The following VPS26A variants were observed in gnomAD, a reference collection of about 807,000 sequenced individuals.
The protein encoded by VPS26A is VPS26 retromer complex component A.
Under a neutral mutation model 42.4 loss-of-function variants are expected in VPS26A, and 22 were observed. That is an observed-to-expected ratio of 0.52 (90% confidence interval 0.37 to 0.74). The LOEUF (loss-of-function observed/expected upper bound fraction) is 0.74, where lower values mean the gene tolerates loss of function less well. Ranked by LOEUF, VPS26A falls within the 30% of genes least tolerant of loss-of-function variation. The pLI, the probability that VPS26A is intolerant of heterozygous loss-of-function variation, is 0.00. For synonymous variants in VPS26A, 110 were observed against 123.5 expected (o/e 0.89, Z 0.73); for missense variants, 276 against 379.2 (o/e 0.73, Z 2.26).
chr10:69,158,669 T>G (rs1050620874), intron 5 of VPS26A, among the ~76,000 whole-genome samples: 1 of 152,198 alleles, frequency 6.6e-6, no homozygotes, highest in East Asian at 1.9e-4. Context: ...GTTTAATGCC[T>G]TTTTAAATTT....
chr10:69,132,242 A>G (rs1382762460), intron 1 of VPS26A, among the ~76,000 whole-genome samples: 1 of 152,218 alleles, frequency 6.6e-6, no homozygotes, highest in Admixed American at 6.5e-5. Context: ...CCTAGCTGTT[A>G]AGAATTAACT....
At position 69,168,359 on chromosome 10, in the gene VPS26A, C is replaced by T. The variant is rs1181331512; in HGVS notation, c.728-130C>T. ...ATATCAGTACTACTGAGGATGAACC[C>T]TGGTCTTTGTTATTTTGCATCTCAT... On this transcript the variant is annotated intron_variant, in intron 7 of 8. Coordinates refer to ENST00000263559, the MANE Select transcript of VPS26A (RefSeq NM_004896.5). The T allele has an allele frequency of 9.7e-6, 10 of 1,026,276 alleles. No homozygotes were observed. The East Asian group carries it at 1.2e-4, about 12-fold the overall frequency. 63.6% of individuals were successfully genotyped at this position (1,026,276 alleles called of 1,614,324 possible). A position where few individuals can be genotyped will look rare whatever the true frequency, so the allele number is the denominator to read the frequency against.
chr10:69,149,681 A>T (rs1406403739), intron 2 of VPS26A, among the ~76,000 whole-genome samples: 1 of 147,588 alleles, frequency 6.8e-6, no homozygotes, highest in Non-Finnish European at 1.5e-5. Flanking sequence ...TATTGGAACA[A>T]TTGATAGAAT....
At position 69,132,762 on chromosome 10, in the gene VPS26A, T is replaced by C. The variant is rs923916402; in HGVS notation, c.4-136T>C. On this transcript the variant is annotated intron_variant, in intron 1 of 8. Transcript: ENST00000263559. ...CCGGCCTTTGATGTAGCATTTGATA[T>C]ATGTTTTTATCATTTCCTTATGAAC... 7.6e-6 allele frequency: 7 copies of C among 917,184 alleles called. No individual in the cohort carries two copies. The East Asian group carries it at 8.5e-5, about 11-fold the overall frequency. The allele number at this position is 917,184 out of a possible 1,614,324, so 56.8% of individuals were successfully genotyped here. A position where few individuals can be genotyped will look rare whatever the true frequency, so the allele number is the denominator to read the frequency against.
intron 1 of VPS26A, among the ~76,000 whole-genome samples, chr10:69,128,230 ATTT>A (rs34855332): frequency 1.8e-4 from 22 of 122,034 alleles, no homozygotes; most frequent in African/African-American, 2.4e-4. Flanking sequence ...TTGGGATTTG[ATTT>A]TTTTTTTTTT....
chr10:69,140,369 C>T (rs1841015345), intron 2 of VPS26A, among the ~76,000 whole-genome samples: 1 of 151,046 alleles, frequency 6.6e-6, no homozygotes, highest in South Asian at 2.1e-4. Flanking sequence ...ACCCGACCTT[C>T]TCCTGAACTT....
At chr10:69,135,314 T>C (rs939133122) in intron 2 of VPS26A, among the ~76,000 whole-genome samples, 1 of 152,232 alleles carries the variant, frequency 6.6e-6, no homozygotes, top group African/African-American at 2.4e-5. Context: ...TTCAGTCTAG[T>C]TTAAAGTAAT....
intron 2 of VPS26A, among the ~76,000 whole-genome samples, chr10:69,152,273 C>G (rs1265417231): frequency 6.6e-6 from 1 of 152,162 alleles, no homozygotes; most frequent in African/African-American, 2.4e-5. Flanking sequence ...AATAATCATT[C>G]ATTTCAGAAG....
chr10:69,147,300 A>G (rs1233190069), intron 2 of VPS26A, among the ~76,000 whole-genome samples: 1 of 151,902 alleles, frequency 6.6e-6, no homozygotes. Context: ...AGTTCTTTAT[A>G]TATTCTGGTT....
intron 5 of VPS26A, 48 bp downstream of exon 5, chr10:69,158,259 A>G (rs1294067725): frequency 8.2e-6 from 12 of 1,454,804 alleles, no homozygotes; most frequent in Admixed American, 2.3e-5. Context: ...TCAAAAATTA[A>G]CTTTTCAGGT....
At position 69,174,216 on chromosome 10, in the gene VPS26A, C is replaced by T. The variant is rs76753537; in HGVS notation, c.*2947C>T. On this transcript the variant is annotated 3_prime_UTR_variant, in exon 9 of 9. Coordinates refer to ENST00000263559, the MANE Select transcript of VPS26A (RefSeq NM_004896.5). Reference sequence around the variant, plus strand: ...CACTCAAGGCGAAGGTCCACGGCTCCGTTAAGTCAGCGAGACCGCAAACCC... The same window carrying T: ...CACTCAAGGCGAAGGTCCACGGCTCTGTTAAGTCAGCGAGACCGCAAACCC... 0.11 allele frequency among the ~76,000 whole-genome samples: 7,017 copies of T among 61,036 alleles called. 520 individuals carry two copies. Among genetic ancestry groups the T allele is most frequent in the East Asian group, 0.43 (1,567 of 3,682 alleles). The allele number at this position is 61,036 out of a possible 152,430, so 40.0% of individuals were successfully genotyped here. A position where few individuals can be genotyped will look rare whatever the true frequency, so the allele number is the denominator to read the frequency against.
Position 69,158,092 on chromosome 10 carries a change from A to G in VPS26A, c.432A>G (p.Val144=), listed in dbSNP as rs374474654. The part of the protein sequence containing the change: ...VTIVRRLTDL[V]KEYDLIVHQL... ...TAGTGAGAAGACTGACAGATTTGGT[A>G]AAAGAGTATGATCTTATTGTTCACC... is the stretch of plus-strand genomic sequence containing the variant. Residue 144 remains valine, a synonymous_variant, in exon 5 of 9, where the codon GTA becomes GTG. Coordinates refer to ENST00000263559, the MANE Select transcript of VPS26A (RefSeq NM_004896.5). 10 of 1,612,308 alleles carry G rather than the reference A, an allele frequency of 6.2e-6. No homozygotes were observed. Among genetic ancestry groups the G allele is most frequent in the Non-Finnish European group, 8.5e-6 (10 of 1,179,342 alleles).
intron 2 of VPS26A, among the ~76,000 whole-genome samples, chr10:69,138,140 C>A (rs1840961130): frequency 6.6e-6 from 1 of 152,052 alleles, no homozygotes; most frequent in African/African-American, 2.4e-5. Context: ...TATTTTGTTT[C>A]TTTCACTTAG....
intron 5 of VPS26A, among the ~76,000 whole-genome samples, chr10:69,159,503 G>A (rs1252737578): frequency 6.6e-6 from 1 of 151,978 alleles, no homozygotes; most frequent in Admixed American, 6.6e-5. Flanking sequence ...TTTCATTTCT[G>A]TAAAATACTC....
chr10:69,173,091 G>A lies in VPS26A; in HGVS notation c.*1822G>A, dbSNP rs1447161932. ...CTATCCGTTTTGCTCAAGACTTTTTGTAGCATAACCAATTTGAAAAAAATT... is the reference window on the plus strand; with the variant it reads ...CTATCCGTTTTGCTCAAGACTTTTTATAGCATAACCAATTTGAAAAAAATT... On this transcript the variant is annotated 3_prime_UTR_variant, in exon 9 of 9. Coordinates refer to ENST00000263559, the MANE Select transcript of VPS26A (RefSeq NM_004896.5). Among the ~76,000 whole-genome samples the A allele has an allele frequency of 6.6e-6, 1 of 152,094 alleles. No individual in the cohort carries two copies. The highest frequency in any genetic ancestry group is 2.4e-5 in the African/African-American group (1 of 41,414).
chr10:69,167,300 A>G (rs748325210), intron 7 of VPS26A, among the ~76,000 whole-genome samples: 9 of 151,844 alleles, frequency 5.9e-5, no homozygotes, highest in Non-Finnish European at 1.2e-4. Context: ...GCATGGTGGC[A>G]TGCACCTATG....
chr10:69,165,667 A>C (rs1271200063), intron 6 of VPS26A, among the ~76,000 whole-genome samples: 1 of 152,056 alleles, frequency 6.6e-6, no homozygotes, highest in African/African-American at 2.4e-5. Flanking sequence ...AAACTTAGCC[A>C]GGCATGATAG....
chr10:69,173,132 G>C lies in VPS26A; in HGVS notation c.*1863G>C, dbSNP rs543032824. Among the ~76,000 whole-genome samples the C allele has an allele frequency of 2.9e-4, 44 of 152,236 alleles. No homozygotes were observed. Among genetic ancestry groups the C allele is most frequent in the Non-Finnish European group, 5.9e-4 (40 of 68,018 alleles). ...GAAAAAAATTCAAATTTAATATTTG[G>C]TGATTTCAGTCAAAAGTCAGCCAGC... On this transcript the variant is annotated 3_prime_UTR_variant, in exon 9 of 9. Transcript: ENST00000263559.
At chr10:69,132,651 C>T (rs1404510513) in intron 1 of VPS26A, among the ~76,000 whole-genome samples, 3 of 152,094 alleles carry the variant, frequency 2.0e-5, no homozygotes, top group Non-Finnish European at 2.9e-5. Context: ...TCATATTGGT[C>T]AGGCTGGTCT....
Sources: gnomAD v4.1 joint callset for allele counts (sites outside exome capture counted in the v4.1 genomes callset) on GRCh38, gnomAD v4.1.1 for gene constraint, MANE v1.5 for transcripts, NCBI Gene and HGNC (gene_info 2026-07-23, HGNC 2026-07-21) for gene names.